The following GALNT2 variants were observed in gnomAD, a reference collection of about 807,000 sequenced individuals.
The protein encoded by GALNT2 is polypeptide N-acetylgalactosaminyltransferase 2, also known as UDP-GalNAc:polypeptide N-acetylgalactosaminyltransferase 2.
A neutral mutation model predicts 81.4 loss-of-function variants in GALNT2; 31 were observed. That is an observed-to-expected ratio of 0.38 (90% CI 0.29 to 0.51). The LOEUF (loss-of-function observed/expected upper bound fraction) is 0.51. Among genes scored for constraint, GALNT2 ranks in the 20% least tolerant of loss-of-function variants. The probability of loss-of-function intolerance (pLI) is 0.87; values close to 1 mark genes in which losing one functional copy is unlikely to be tolerated. For missense variants in GALNT2, 629 were observed against 765.7 expected, an observed-to-expected ratio of 0.82 and a Z score of 2.11; for synonymous variants, 303 against 287.4, an observed-to-expected ratio of 1.05 and a Z score of -0.55.
At chr1:230,082,294 A>C (rs1030452688) in intron 1 of GALNT2, among the ~76,000 whole-genome samples, 2 of 152,250 alleles carry the variant, frequency 1.3e-5, no homozygotes, top group African/African-American at 4.8e-5. Flanking sequence ...AAGGTTCTCT[A>C]ATCGGTCAAA....
At chr1:230,067,883 C>T (rs1454482347) in intron 1 of GALNT2, among the ~76,000 whole-genome samples, 1 of 152,234 alleles carries the variant, frequency 6.6e-6, no homozygotes, top group South Asian at 2.1e-4. Context: ...CCCCCTGTCA[C>T]TCCGCGGGGC....
At chr1:230,224,567 T>G (rs1664648273) in intron 3 of GALNT2, among the ~76,000 whole-genome samples, 1 of 152,262 alleles carries the variant, frequency 6.6e-6, no homozygotes, top group South Asian at 2.1e-4. Flanking sequence ...AAAAACATTT[T>G]TATTCCATCA....
chr1:230,201,812 C>T (rs114172474), intron 2 of GALNT2, among the ~76,000 whole-genome samples: 201 of 152,282 alleles, frequency 1.3e-3, no homozygotes, highest in African/African-American at 4.5e-3. Flanking sequence ...CCTATTCTCC[C>T]GGAGAGTTGC....
rs759812226 is a variant in GALNT2 at position 230,257,794 on chromosome 1, G to A, written c.1136+2450G>A. 2.6e-5 allele frequency among the ~76,000 whole-genome samples: 4 copies of A among 152,212 alleles called. No individual in the cohort carries two copies. The highest frequency in any genetic ancestry group is 6.5e-5 in the Admixed American group (1 of 15,280). ...GCGGCAGAGAGAAGGGAGGTAGAGCGGGAAATTAATTTAGGGTGATGCCCA... is the reference window on the plus strand; with the variant it reads ...GCGGCAGAGAGAAGGGAGGTAGAGCAGGAAATTAATTTAGGGTGATGCCCA... On this transcript the variant is annotated intron_variant, in intron 11 of 15. Coordinates refer to ENST00000366672, the MANE Select transcript of GALNT2 (RefSeq NM_004481.5). The surrounding 1 kb of genome is among the most constrained non-coding windows in gnomAD (Gnocchi z 4.6).
At chr1:230,086,530 G>A (rs1659903452) in intron 1 of GALNT2, among the ~76,000 whole-genome samples, 1 of 152,182 alleles carries the variant, frequency 6.6e-6, no homozygotes, top group South Asian at 2.1e-4. Context: ...AGTTTTTAGG[G>A]GGATGTTCTT....
chr1:230,206,772 T>A (rs868124837), intron 3 of GALNT2, among the ~76,000 whole-genome samples: 2 of 151,960 alleles, frequency 1.3e-5, no homozygotes, highest in South Asian at 2.1e-4. Flanking sequence ...GTGTTTGGAG[T>A]CCTACAGACC....
chr1:230,164,049 T>C (rs761731163), intron 1 of GALNT2, among the ~76,000 whole-genome samples: 1 of 152,052 alleles, frequency 6.6e-6, no homozygotes, highest in Non-Finnish European at 1.5e-5. Flanking sequence ...TTTTGTCATC[T>C]TTTTTTTAAT....
chr1:230,187,798 C>T (rs1371999214), intron 2 of GALNT2, among the ~76,000 whole-genome samples: 3 of 152,194 alleles, frequency 2.0e-5, no homozygotes, highest in African/African-American at 7.2e-5. Context: ...TGGAGTCCTG[C>T]TGTCCCCAGC....
chr1:230,261,549 A>G (rs1042814898), intron 11 of GALNT2, among the ~76,000 whole-genome samples: 1 of 152,194 alleles, frequency 6.6e-6, no homozygotes, highest in Non-Finnish European at 1.5e-5. Flanking sequence ...TGTGCTTGCT[A>G]CTTCATGGAT....
At chr1:230,067,141 C>A, upstream of GALNT2, 1 of 289,994 alleles carries the variant, frequency 3.4e-6, no homozygotes, top group Non-Finnish European at 5.6e-6. Flanking sequence ...CGCCGCCGAG[C>A]AGTAGCACCG....
intron 15 of GALNT2, among the ~76,000 whole-genome samples, chr1:230,278,536 G>A (rs1182492942): frequency 6.6e-6 from 1 of 152,238 alleles, no homozygotes; most frequent in African/African-American, 2.4e-5. Flanking sequence ...TGTGGGTTGA[G>A]TTTGGTTGTT....
intron 11 of GALNT2, among the ~76,000 whole-genome samples, chr1:230,255,726 T>A (rs991362516): frequency 6.6e-6 from 1 of 152,180 alleles, no homozygotes; most frequent in African/African-American, 2.4e-5. Flanking sequence ...GTCTCCTGGT[T>A]GTGGTGGTAG....
intron 1 of GALNT2, among the ~76,000 whole-genome samples, chr1:230,117,500 C>T (rs7512794): frequency 0.42 from 64,223 of 152,052 alleles, 13,555 homozygotes; most frequent in South Asian, 0.53. Context: ...TTCACTTGAA[C>T]ACTCAGAGGC....
chr1:230,100,310 C>CTTTTTTTTTTTTT (rs573478928), intron 1 of GALNT2, among the ~76,000 whole-genome samples: 1 of 85,780 alleles, frequency 1.2e-5, no homozygotes, highest in African/African-American at 5.1e-5. Context: ...CTTTTTATTC[C>CTTTTTTTTTTTTT]TTTTTTTTTT....
intron 1 of GALNT2, among the ~76,000 whole-genome samples, chr1:230,169,922 C>T (rs2102856048): frequency 6.6e-6 from 1 of 152,320 alleles, no homozygotes; most frequent in African/African-American, 2.4e-5. Flanking sequence ...GAAAGTGAAA[C>T]TGGAAATGCA....
At chr1:230,247,682 G>A (rs760091834) in intron 8 of GALNT2, among the ~76,000 whole-genome samples, 4 of 152,100 alleles carry the variant, frequency 2.6e-5, no homozygotes, top group South Asian at 4.1e-4. Flanking sequence ...GTCAGAGCAG[G>A]GGCAAGAACA....
At chr1:230,269,889 C>A (rs1666125653) in intron 14 of GALNT2, among the ~76,000 whole-genome samples, 1 of 151,912 alleles carries the variant, frequency 6.6e-6, no homozygotes, top group Admixed American at 6.6e-5. Context: ...AGAGTGAGAC[C>A]ATGTTCCTAA....
chr1:230,134,579 CAGG>C lies in GALNT2; in HGVS notation c.127-43632_127-43630del, dbSNP rs538452116. On this transcript the variant is annotated intron_variant, in intron 1 of 15. Transcript: ENST00000366672. ...ACCTCCCCTCATTCTGGGTTGGGCC[CAGG>C]AGGAGGGTATCCAACCCAGACCTGG... 5.9e-5 allele frequency among the ~76,000 whole-genome samples: 9 copies of C among 152,298 alleles called. No individual in the cohort carries two copies. The East Asian group carries it at 1.7e-3, about 29-fold the overall frequency.
At chr1:230,172,030 A>G (rs1572046307) in intron 1 of GALNT2, among the ~76,000 whole-genome samples, 1 of 152,106 alleles carries the variant, frequency 6.6e-6, no homozygotes, top group Non-Finnish European at 1.5e-5. Flanking sequence ...AATATTAACC[A>G]ATTTTTTTTA....
Sources: gnomAD v4.1 joint callset for allele counts (sites outside exome capture counted in the v4.1 genomes callset) on GRCh38, gnomAD v4.1.1 for gene constraint, Gnocchi (gnomAD v3.1) non-coding constraint, MANE v1.5 for transcripts, NCBI Gene and HGNC (gene_info 2026-07-23, HGNC 2026-07-21) for gene names.